The following ZDHHC20 variants were observed in gnomAD, a reference collection of about 807,000 sequenced individuals.
The protein encoded by ZDHHC20 is palmitoyltransferase ZDHHC20.
A neutral mutation model predicts 57.8 loss-of-function variants in ZDHHC20; 43 were observed. The ratio of observed to expected loss-of-function variants is 0.74; its 90% CI spans 0.58 to 0.96. The LOEUF is 0.96. Among genes scored for constraint, ZDHHC20 ranks in the 40% least tolerant of loss-of-function variants. The pLI is 0.00. For synonymous variants in ZDHHC20, 157 were observed against 153.0 expected (o/e 1.03, Z -0.19); for missense variants, 391 against 441.1 (o/e 0.89, Z 1.02).
At chr13:21,439,795 G>A (rs868203140) in intron 1 of ZDHHC20, among the ~76,000 whole-genome samples, 24 of 152,038 alleles carry the variant, frequency 1.6e-4, no homozygotes, top group East Asian at 5.8e-4. Flanking sequence ...TCCCAGGCGC[G>A]GTGGCTCATG....
At chr13:21,411,014 G>A (rs1009864591) in intron 4 of ZDHHC20, among the ~76,000 whole-genome samples, 6 of 152,222 alleles carry the variant, frequency 3.9e-5, no homozygotes, top group African/African-American at 1.4e-4. Context: ...GAATCTCCTG[G>A]TCTGTGGGTT....
At chr13:21,454,773 A>G (rs1352633344) in intron 1 of ZDHHC20, among the ~76,000 whole-genome samples, 3 of 152,212 alleles carry the variant, frequency 2.0e-5, no homozygotes, top group African/African-American at 7.2e-5. Context: ...CTGCCTCTAA[A>G]TTTGAAGAAG....
chr13:21,388,465 CTCA>C (rs1482874505), intron 8 of ZDHHC20, among the ~76,000 whole-genome samples: 1 of 151,998 alleles, frequency 6.6e-6, no homozygotes, highest in Non-Finnish European at 1.5e-5. Flanking sequence ...ATCTTTCTTC[CTCA>C]GAAGTTAGAG....
At chr13:21,438,500 G>A (rs1300187759) in intron 1 of ZDHHC20, among the ~76,000 whole-genome samples, 1 of 152,240 alleles carries the variant, frequency 6.6e-6, no homozygotes, top group Non-Finnish European at 1.5e-5. Flanking sequence ...CTGAAGATGT[G>A]ATGGAATTGC....
At chr13:21,445,250 T>C (rs1362495539) in intron 1 of ZDHHC20, among the ~76,000 whole-genome samples, 1 of 152,126 alleles carries the variant, frequency 6.6e-6, no homozygotes, top group African/African-American at 2.4e-5. Flanking sequence ...AAATGTATAA[T>C]GGAAAGGGCA....
Position 21,381,462 on chromosome 13 carries a change from A to G in ZDHHC20, c.1032T>C (p.Asn344=), listed in dbSNP as rs758021123. The G allele has an allele frequency of 1.9e-6, 3 of 1,613,776 alleles. No individual in the cohort carries two copies. The highest frequency in any genetic ancestry group is 1.7e-6 in the Non-Finnish European group (2 of 1,179,862). ...ATTTGACGATGCCTTCTTCAGCTCC[A>G]TTCTCCAGCCACTGAGATTCACTGT... The part of the protein sequence containing the change: ...LLDSESQWLE[N]GAEEGIVKSG... Residue 344 remains asparagine, a synonymous_variant, in exon 11 of 13, where the codon AAT becomes AAC. Transcript: ENST00000400590.
chr13:21,404,870 G>A (rs546062812), intron 4 of ZDHHC20, among the ~76,000 whole-genome samples: 3 of 151,906 alleles, frequency 2.0e-5, no homozygotes, highest in South Asian at 2.1e-4. Context: ...TACATCTTTC[G>A]GATGTCAATT....
rs1442496724 is a variant in ZDHHC20 at position 21,376,353 on chromosome 13, A to C, written c.*343T>G. The stretch of plus-strand genomic sequence containing the variant: ...TCTAATAATGTAATTCAGGTATCAA[A>C]AAATACATATGCATGTTAAAATGTG... On this transcript the variant is annotated 3_prime_UTR_variant, in exon 13 of 13. Transcript: ENST00000400590. 4.7e-6 allele frequency: 1 copy of C among 210,962 alleles called. No individual in the cohort carries two copies. Among genetic ancestry groups the C allele is most frequent in the Non-Finnish European group, 9.4e-6 (1 of 106,794 alleles). 13.1% of individuals were successfully genotyped at this position (210,962 alleles called of 1,614,324 possible). A position where few individuals can be genotyped will look rare whatever the true frequency, so the allele number is the denominator to read the frequency against.
intron 3 of ZDHHC20, among the ~76,000 whole-genome samples, chr13:21,414,573 G>A (rs1378223640): frequency 2.1e-4 from 29 of 139,020 alleles, no homozygotes; most frequent in Non-Finnish European, 3.6e-4. Flanking sequence ...AGGTTTCACC[G>A]TGTTAGCCAG....
chr13:21,452,228 T>C (rs1357655084), intron 1 of ZDHHC20, among the ~76,000 whole-genome samples: 2 of 92,156 alleles, frequency 2.2e-5, no homozygotes, highest in Non-Finnish European at 4.6e-5. Context: ...TAAATGGGCA[T>C]GAGGGATCTT....
chr13:21,450,242 G>A (rs560622146), intron 1 of ZDHHC20, among the ~76,000 whole-genome samples: 6 of 152,164 alleles, frequency 3.9e-5, no homozygotes, highest in East Asian at 1.9e-4. Flanking sequence ...ATTAGAGTCC[G>A]GAATTCAGCA....
At chr13:21,422,575 G>A (rs1880765962) in intron 2 of ZDHHC20, among the ~76,000 whole-genome samples, 1 of 152,114 alleles carries the variant, frequency 6.6e-6, no homozygotes, top group Admixed American at 6.6e-5. Context: ...CAGCTTATCA[G>A]TACAAATACT....
At chr13:21,407,419 T>C (rs1878599177) in intron 4 of ZDHHC20, among the ~76,000 whole-genome samples, 1 of 152,224 alleles carries the variant, frequency 6.6e-6, no homozygotes, top group African/African-American at 2.4e-5. Context: ...GTTGGTCACA[T>C]AAATGTCTTC....
intron 4 of ZDHHC20, among the ~76,000 whole-genome samples, chr13:21,411,981 A>C (rs1005467553): frequency 1.3e-5 from 2 of 152,236 alleles, no homozygotes; most frequent in African/African-American, 4.8e-5. Flanking sequence ...GAAGCTGCAA[A>C]TACACGAGTG....
chr13:21,392,000 G>T (rs1035635536), intron 7 of ZDHHC20, 146 bp from the exon 8 acceptor site: 8 of 919,882 alleles, frequency 8.7e-6, no homozygotes, highest in African/African-American at 6.9e-5. Context: ...TGCAACAAGG[G>T]CAAAAGCAAA....
chr13:21,398,568 T>C (rs1877168341), intron 7 of ZDHHC20, among the ~76,000 whole-genome samples: 1 of 152,156 alleles, frequency 6.6e-6, no homozygotes, highest in Non-Finnish European at 1.5e-5. Flanking sequence ...GGCATTTACA[T>C]GTAAAGAAAG....
chr13:21,398,275 T>C (rs1225177426), intron 7 of ZDHHC20, among the ~76,000 whole-genome samples: 3 of 151,892 alleles, frequency 2.0e-5, no homozygotes, highest in Non-Finnish European at 4.4e-5. Context: ...CCATCCTGGC[T>C]AACACGGTGA....
intron 7 of ZDHHC20, among the ~76,000 whole-genome samples, chr13:21,394,806 C>T (rs1216177351): frequency 6.6e-6 from 1 of 152,020 alleles, no homozygotes; most frequent in African/African-American, 2.4e-5. Context: ...AATCAAAAGC[C>T]AAAATTCATG....
chr13:21,447,428 G>C (rs1004227972), intron 1 of ZDHHC20, among the ~76,000 whole-genome samples: 2 of 141,842 alleles, frequency 1.4e-5, no homozygotes, highest in South Asian at 2.7e-4. Flanking sequence ...GAGTGCCTGC[G>C]ATTGCAGGCA....
Sources: allele counts gnomAD v4.1 joint callset (sites outside exome capture counted in the v4.1 genomes callset), GRCh38; gene constraint gnomAD v4.1.1; transcripts MANE v1.5; gene names NCBI Gene and HGNC (gene_info 2026-07-23, HGNC 2026-07-21).